The following DRC4 variants were observed in gnomAD, a reference collection of about 807,000 sequenced individuals.
DRC4 encodes GAS-11.
the DRC4 span, among the ~76,000 whole-genome samples, chr16:90,027,226 C>T: frequency 2.0e-5 from 3 of 151,824 alleles, no homozygotes; most frequent in Non-Finnish European, 4.4e-5. Context: ...GCTGGGACTA[C>T]AGGCGCCCAC....
the DRC4 span, chr16:90,019,789 G>A: frequency 1.4e-6 from 1 of 690,394 alleles, no homozygotes; most frequent in Non-Finnish European, 2.6e-6. The surrounding 1 kb of genome is among the most constrained non-coding windows in gnomAD (Gnocchi z 6.1). Flanking sequence ...GTGGGGCGCC[G>A]ACTGTGTGCG....
the DRC4 span, among the ~76,000 whole-genome samples, chr16:90,034,933 T>C: frequency 6.7e-6 from 1 of 148,198 alleles, no homozygotes; most frequent in East Asian, 2.0e-4. Context: ...GATGGAGTTT[T>C]GCTCTTGTTG....
the DRC4 span, among the ~76,000 whole-genome samples, chr16:90,025,438 C>T: frequency 1.3e-5 from 2 of 151,090 alleles, no homozygotes; most frequent in African/African-American, 2.4e-5. Context: ...GATCACGGGT[C>T]AGGAGTTCGA....
At chr16:90,041,449 G>A in the DRC4 span, among the ~76,000 whole-genome samples, 1 of 152,212 alleles carries the variant, frequency 6.6e-6, no homozygotes, top group African/African-American at 2.4e-5. Flanking sequence ...TCGCCACGTG[G>A]TGAGACCCTT....
the DRC4 span, chr16:90,028,988 G>C: frequency 2.3e-6 from 3 of 1,305,088 alleles, no homozygotes; most frequent in Non-Finnish European, 3.0e-6. Context: ...AGGTGATGGG[G>C]TCAGGTTTGT....
At chr16:90,041,166 G>A in the DRC4 span, among the ~76,000 whole-genome samples, 1 of 152,238 alleles carries the variant, frequency 6.6e-6, no homozygotes, top group South Asian at 2.1e-4. Context: ...GAGAGCAGTC[G>A]TGGCCTGTGA....
the DRC4 span, chr16:90,019,645 G>C: frequency 2.3e-6 from 1 of 429,510 alleles, no homozygotes; most frequent in African/African-American, 2.1e-5. This position sits in a 1 kb window ranked among gnomAD's most constrained non-coding sequence, Gnocchi z 6.1. Context: ...TCCCTCGCGG[G>C]CCGCGCCCCG....
At chr16:90,039,776 G>C in the DRC4 span, 1 of 175,842 alleles carries the variant, frequency 5.7e-6, no homozygotes, top group African/African-American at 2.4e-5. Flanking sequence ...AGATAAAAAA[G>C]AACAGTTTTA....
chr16:90,022,563 G>C, the DRC4 span: 12 of 754,952 alleles, frequency 1.6e-5, no homozygotes, highest in Non-Finnish European at 2.3e-5. Flanking sequence ...CCGTCTCTAG[G>C]GACGCACTCC....
At chr16:90,043,083 C>A in the DRC4 span, 1 of 1,250,864 alleles carries the variant, frequency 8.0e-7, no homozygotes, top group Non-Finnish European at 1.1e-6. Context: ...AAGCCTTTGG[C>A]TTTATCCTTC....
chr16:90,036,768 T>G, the DRC4 span: 3 of 707,130 alleles, frequency 4.2e-6, no homozygotes, highest in Non-Finnish European at 5.1e-6. Flanking sequence ...AACCTATCTC[T>G]ACCTATTGTT....
chr16:90,029,021 T>C, the DRC4 span: 1 of 1,305,388 alleles, frequency 7.7e-7, no homozygotes. Flanking sequence ...TGTCTGGAGC[T>C]GCTGGATGGA....
At chr16:90,040,937 C>G in the DRC4 span, among the ~76,000 whole-genome samples, 1 of 152,074 alleles carries the variant, frequency 6.6e-6, no homozygotes, top group Non-Finnish European at 1.5e-5. Context: ...CTCTCAGGGC[C>G]TGAGGTAGTG....
the DRC4 span, chr16:90,028,022 T>A: frequency 5.5e-6 from 2 of 360,498 alleles, no homozygotes; most frequent in African/African-American, 4.1e-5. Flanking sequence ...AATCTTACCC[T>A]TTTTTTGCAC....
the DRC4 span, chr16:90,036,216 A>C: frequency 1.5e-6 from 1 of 645,960 alleles, no homozygotes. Flanking sequence ...GCATCAGCAG[A>C]AAAACTCAGT....
At chr16:90,031,308 C>G in the DRC4 span, 1 of 1,612,598 alleles carries the variant, frequency 6.2e-7, no homozygotes, top group Non-Finnish European at 8.5e-7. Context: ...GGTGGAGGAG[C>G]ATGTCAGCCG....
the DRC4 span, chr16:90,019,795 G>T: frequency 1.5e-6 from 1 of 689,606 alleles, no homozygotes; most frequent in Non-Finnish European, 2.6e-6. This position sits in a 1 kb window ranked among gnomAD's most constrained non-coding sequence, Gnocchi z 6.1. Flanking sequence ...CGCCGACTGT[G>T]TGCGGGCGCC....
chr16:90,019,767 A>G, the DRC4 span: 1 of 690,034 alleles, frequency 1.4e-6, no homozygotes, highest in African/African-American at 1.8e-5. The surrounding 1 kb of genome is among the most constrained non-coding windows in gnomAD (Gnocchi z 6.1). Context: ...GTTCTCTTCC[A>G]GGTACTTGCG....
chr16:90,034,604 A>G, the DRC4 span, among the ~76,000 whole-genome samples: 1 of 152,214 alleles, frequency 6.6e-6, no homozygotes, highest in Non-Finnish European at 1.5e-5. Flanking sequence ...CCTGGGCGAC[A>G]GTGTGAGAGT....
Sources: gnomAD v4.1 joint callset for allele counts (sites outside exome capture counted in the v4.1 genomes callset) on GRCh38, gnomAD v4.1.1 for gene constraint, Gnocchi (gnomAD v3.1) non-coding constraint, MANE v1.5 for transcripts, NCBI Gene and HGNC (gene_info 2026-07-23, HGNC 2026-07-21) for gene names.